CELF4: variants seen among roughly 807,000 people sequenced by gnomAD.
The protein encoded by CELF4 is CUGBP Elav-like family member 4.
CELF4 carries 18 observed loss-of-function variants against 59.9 expected under a neutral mutation model. The observed-to-expected ratio is 0.30, with a 90% CI of 0.21 to 0.45. The LOEUF (loss-of-function observed/expected upper bound fraction) is 0.45. Among genes scored for constraint, CELF4 ranks in the 20% least tolerant of loss-of-function variants. CELF4 has a pLI of 1.00. For synonymous variants in CELF4, 261 were observed against 267.1 expected, an observed-to-expected ratio of 0.98 and a Z score of 0.22; for missense variants, 456 against 689.0, an observed-to-expected ratio of 0.66 and a Z score of 3.79.
chr18:37,558,566 G>C (rs1033057158), intron 1 of CELF4, among the ~76,000 whole-genome samples: 2 of 56,290 alleles, frequency 3.6e-5, no homozygotes, highest in African/African-American at 1.1e-4. Context: ...GGGGGCGGGT[G>C]GGGGGGGCTC....
chr18:37,273,297 C>T lies in CELF4; in HGVS notation c.802-134G>A, dbSNP rs980603309. On this transcript the variant is annotated intron_variant, in intron 6 of 12. Transcript: ENST00000420428. ...CTCCCAACTACCACTCCAGAAAGCC[C>T]TGATGCCTCTCCCATTCTTGCCCTG... is the stretch of plus-strand genomic sequence containing the variant. The T allele has an allele frequency of 2.1e-6, 3 of 1,441,160 alleles. No individual in the cohort carries two copies. In the African/African-American group the frequency reaches 4.3e-5, roughly 21 times the overall value. 89.3% of individuals were successfully genotyped at this position (1,441,160 alleles called of 1,614,324 possible).
At chr18:37,415,208 G>A (rs1386156671) in intron 2 of CELF4, among the ~76,000 whole-genome samples, 1 of 152,228 alleles carries the variant, frequency 6.6e-6, no homozygotes. Flanking sequence ...GAGACATGGA[G>A]GGTGAACAGG....
chr18:37,407,127 C>T (rs962799041), intron 2 of CELF4, among the ~76,000 whole-genome samples: 8 of 152,174 alleles, frequency 5.3e-5, no homozygotes, highest in Non-Finnish European at 4.4e-5. Flanking sequence ...CATCTTTGTG[C>T]CTCACTTTCC....
intron 1 of CELF4, among the ~76,000 whole-genome samples, chr18:37,519,308 A>G (rs2099954388): frequency 6.6e-6 from 1 of 152,048 alleles, no homozygotes; most frequent in African/African-American, 2.4e-5. Context: ...GGGTGGTGGT[A>G]CTGCTCTTCT....
chr18:37,426,011 AGT>A (rs1282546212), intron 2 of CELF4, among the ~76,000 whole-genome samples: 2 of 152,186 alleles, frequency 1.3e-5, no homozygotes, highest in Non-Finnish European at 2.9e-5. Flanking sequence ...GGTGAGGGAC[AGT>A]GGCCACTGGG....
intron 2 of CELF4, among the ~76,000 whole-genome samples, chr18:37,378,715 G>A (rs936816526): frequency 2.6e-5 from 4 of 152,206 alleles, no homozygotes; most frequent in African/African-American, 9.7e-5. Flanking sequence ...CAAATGCTGG[G>A]AAAGCCGGTC....
intron 3 of CELF4, among the ~76,000 whole-genome samples, chr18:37,308,718 TCA>T (rs2096537683): frequency 6.6e-6 from 1 of 152,180 alleles, no homozygotes; most frequent in South Asian, 2.1e-4. Flanking sequence ...TCTAGGCCAG[TCA>T]CCCAGTGCCA....
chr18:37,470,875 T>TGAGA (rs2099819653), intron 2 of CELF4, among the ~76,000 whole-genome samples: 1 of 102,032 alleles, frequency 9.8e-6, no homozygotes, highest in South Asian at 3.4e-4. Flanking sequence ...TGTGTGTGTG[T>TGAGA]GTGTGTGTGT....
intron 2 of CELF4, among the ~76,000 whole-genome samples, chr18:37,327,361 G>A (rs1215929615): frequency 6.6e-6 from 1 of 152,128 alleles, no homozygotes; most frequent in Non-Finnish European, 1.5e-5. Flanking sequence ...GGTATGACCT[G>A]GGCTAGCTCA....
At chr18:37,326,574 G>A (rs931042659) in intron 2 of CELF4, among the ~76,000 whole-genome samples, 6 of 152,184 alleles carry the variant, frequency 3.9e-5, no homozygotes, top group Non-Finnish European at 7.3e-5. Flanking sequence ...GTGCCTGAAG[G>A]GGATTTGGTG....
At chr18:37,327,394 C>T (rs996954404) in intron 2 of CELF4, among the ~76,000 whole-genome samples, 1 of 152,156 alleles carries the variant, frequency 6.6e-6, no homozygotes, top group Non-Finnish European at 1.5e-5. Context: ...GCGACATTTT[C>T]CTGCCTATAC....
chr18:37,334,447 T>G (rs911398847), intron 2 of CELF4, among the ~76,000 whole-genome samples: 1 of 152,040 alleles, frequency 6.6e-6, no homozygotes, highest in African/African-American at 2.4e-5. Flanking sequence ...TCTCTCCAGC[T>G]GTGACTGGCC....
chr18:37,307,851 G>GA (rs2096492589), intron 3 of CELF4, among the ~76,000 whole-genome samples: 2 of 152,144 alleles, frequency 1.3e-5, no homozygotes, highest in African/African-American at 4.8e-5. Context: ...AGCTGGGAAG[G>GA]CCAGTAGGGA....
intron 2 of CELF4, among the ~76,000 whole-genome samples, chr18:37,466,426 T>A (rs1360753337): frequency 1.2e-5 from 1 of 86,202 alleles, no homozygotes; most frequent in African/African-American, 4.4e-5. Flanking sequence ...GGGGTGGGGG[T>A]GGGGATGTGG....
At chr18:37,459,933 T>C (rs2154602103) in intron 2 of CELF4, among the ~76,000 whole-genome samples, 1 of 152,340 alleles carries the variant, frequency 6.6e-6, no homozygotes, top group South Asian at 2.1e-4. Flanking sequence ...TTGAATGGCA[T>C]GATGTGCAGT....
intron 2 of CELF4, among the ~76,000 whole-genome samples, chr18:37,379,979 G>T (rs2099017510): frequency 6.6e-6 from 1 of 152,112 alleles, no homozygotes; most frequent in Admixed American, 6.5e-5. Context: ...AGGGTGGATG[G>T]GTTTCAGGGA....
At chr18:37,424,509 T>A (rs919779919) in intron 2 of CELF4, among the ~76,000 whole-genome samples, 2 of 152,146 alleles carry the variant, frequency 1.3e-5, no homozygotes, top group Non-Finnish European at 2.9e-5. Context: ...GTGGCCTAGC[T>A]CCAGGACCAA....
chr18:37,298,132 G>A (rs548611434), intron 3 of CELF4, among the ~76,000 whole-genome samples: 1 of 152,342 alleles, frequency 6.6e-6, no homozygotes, highest in Non-Finnish European at 1.5e-5. Flanking sequence ...GGAGGCTGGG[G>A]TCTCAACCCA....
At chr18:37,456,625 C>T (rs561128269) in intron 2 of CELF4, among the ~76,000 whole-genome samples, 60 of 152,218 alleles carry the variant, frequency 3.9e-4, no homozygotes, top group Admixed American at 1.2e-3. Flanking sequence ...TCCTTTGGGT[C>T]GAAATTAGGA....
Sources: gnomAD v4.1 joint callset for allele counts (sites outside exome capture counted in the v4.1 genomes callset) on GRCh38, gnomAD v4.1.1 for gene constraint, MANE v1.5 for transcripts, NCBI Gene and HGNC (gene_info 2026-07-23, HGNC 2026-07-21) for gene names.